COL24A1: variants seen among roughly 807,000 people sequenced by gnomAD.
COL24A1 encodes collagen alpha-1(XXIV) chain.
COL24A1 carries 224 observed loss-of-function variants against 253.9 expected under a neutral mutation model. The ratio of observed to expected loss-of-function variants is 0.88; its 90% CI spans 0.79 to 0.99. COL24A1 has a LOEUF of 0.99. Among genes scored for constraint, COL24A1 ranks in the 50% least tolerant of loss-of-function variants. The pLI is 0.00. For missense variants in COL24A1, 2,131 were observed against 2,068.5 expected (o/e 1.03, Z -0.59); for synonymous variants, 685 against 673.7 (o/e 1.02, Z -0.26).
intron 43 of COL24A1, among the ~76,000 whole-genome samples, chr1:85,836,123 T>G (rs951410770): frequency 4.6e-5 from 7 of 152,224 alleles, no homozygotes; most frequent in African/African-American, 1.7e-4. Context: ...TTCTAAGACT[T>G]CCTCATCAAA....
Position 85,784,171 on chromosome 1 carries a change from A to G in COL24A1, c.4168-5T>C, listed in dbSNP as rs377184723. ...ACCTTGAACACCATATTCTCCCTGCAAAGTGAATTGACATGATAATAATTA... is the reference window on the plus strand; with the variant it reads ...ACCTTGAACACCATATTCTCCCTGCGAAGTGAATTGACATGATAATAATTA... On this transcript the variant is annotated splice_region_variant and splice_polypyrimidine_tract_variant and intron_variant, in intron 49 of 59. Transcript: ENST00000370571. 3.1e-6 allele frequency: 5 copies of G among 1,613,494 alleles called. No individual in the cohort carries two copies. The highest frequency in any genetic ancestry group is 3.4e-6 in the Non-Finnish European group (4 of 1,179,622).
intron 19 of COL24A1, among the ~76,000 whole-genome samples, chr1:86,016,019 C>T (rs1170089456): frequency 6.6e-6 from 1 of 150,666 alleles, no homozygotes; most frequent in East Asian, 1.9e-4. Flanking sequence ...AGCCACCATG[C>T]CTGGCTAACT....
intron 24 of COL24A1, among the ~76,000 whole-genome samples, chr1:85,945,662 G>A (rs1689261037): frequency 6.8e-6 from 1 of 148,128 alleles, no homozygotes; most frequent in Non-Finnish European, 1.5e-5. Flanking sequence ...CTTGGAGTGG[G>A]GTGAGTGGCG....
intron 28 of COL24A1, among the ~76,000 whole-genome samples, chr1:85,897,338 A>C (rs1357997387): frequency 1.3e-5 from 2 of 152,110 alleles, no homozygotes; most frequent in African/African-American, 4.8e-5. Context: ...CTGTGCAGCA[A>C]ACCACCATGT....
chr1:86,079,297 T>C (rs1702466237), intron 7 of COL24A1, among the ~76,000 whole-genome samples: 1 of 152,114 alleles, frequency 6.6e-6, no homozygotes, highest in Non-Finnish European at 1.5e-5. Flanking sequence ...TGTACAAAAA[T>C]CAATTCAAAA....
intron 19 of COL24A1, among the ~76,000 whole-genome samples, chr1:85,989,068 C>T (rs78505075): frequency 0.036 from 5,441 of 152,120 alleles, 179 homozygotes; most frequent in East Asian, 0.17. Flanking sequence ...GATTCTTTTC[C>T]TGATAATTTT....
chr1:86,002,574 AG>A (rs1273787034), intron 19 of COL24A1, among the ~76,000 whole-genome samples: 2 of 152,186 alleles, frequency 1.3e-5, no homozygotes, highest in East Asian at 3.8e-4. Context: ...TTCAGTCTGA[AG>A]AGATCTGAAC....
At chr1:85,790,650 C>G (rs893127089) in intron 47 of COL24A1, among the ~76,000 whole-genome samples, 6 of 66,284 alleles carry the variant, frequency 9.1e-5, no homozygotes, top group African/African-American at 1.8e-4. Flanking sequence ...TACTGTGACA[C>G]TTTATTTTAC....
chr1:85,885,394 TATA>T (rs1386898179), intron 32 of COL24A1, among the ~76,000 whole-genome samples: 5 of 69,094 alleles, frequency 7.2e-5, no homozygotes, highest in Non-Finnish European at 1.3e-4. Context: ...TATATATATA[TATA>T]TTTTTTTTTT....
chr1:86,090,343 C>T (rs900220744), intron 6 of COL24A1, among the ~76,000 whole-genome samples: 3 of 152,004 alleles, frequency 2.0e-5, no homozygotes, highest in African/African-American at 7.3e-5. Context: ...TGTCATCTCA[C>T]CTGTCTTATG....
intron 2 of COL24A1, among the ~76,000 whole-genome samples, chr1:86,144,595 G>A (rs1298950564): frequency 6.6e-6 from 1 of 152,070 alleles, no homozygotes; most frequent in African/African-American, 2.4e-5. Flanking sequence ...CAAAAGAGAT[G>A]ATACAAAATA....
intron 7 of COL24A1, among the ~76,000 whole-genome samples, chr1:86,078,488 TC>T (rs1702413264): frequency 6.6e-6 from 1 of 152,086 alleles, no homozygotes; most frequent in African/African-American, 2.4e-5. Flanking sequence ...ATAAAGGGCA[TC>T]CAAATTGGAA....
chr1:85,767,537 T>C (rs918265564), intron 53 of COL24A1, among the ~76,000 whole-genome samples: 2 of 152,148 alleles, frequency 1.3e-5, no homozygotes, highest in African/African-American at 4.8e-5. Context: ...CCTTAAATTA[T>C]AATGGAATCA....
intron 43 of COL24A1, among the ~76,000 whole-genome samples, chr1:85,827,214 A>G (rs1674483742): frequency 6.6e-6 from 1 of 151,900 alleles, no homozygotes; most frequent in Non-Finnish European, 1.5e-5. Context: ...TTCTGTTTAT[A>G]TGGTGGATTA....
chr1:86,028,633 A>G (rs551907318), intron 14 of COL24A1, among the ~76,000 whole-genome samples: 50 of 152,348 alleles, frequency 3.3e-4, no homozygotes, highest in Non-Finnish European at 6.3e-4. Flanking sequence ...AGTCTCAGGT[A>G]TTTCTTCATA....
intron 43 of COL24A1, among the ~76,000 whole-genome samples, chr1:85,830,839 AT>A (rs1237900091): frequency 6.6e-6 from 1 of 152,112 alleles, no homozygotes; most frequent in African/African-American, 2.4e-5. Flanking sequence ...CCCTAGTGAG[AT>A]GAACCCAGTA....
intron 58 of COL24A1, among the ~76,000 whole-genome samples, chr1:85,735,447 T>C (rs761107196): frequency 6.6e-6 from 1 of 152,156 alleles, no homozygotes; most frequent in Non-Finnish European, 1.5e-5. Flanking sequence ...TCGAGATTTT[T>C]TTTGTGAGAG....
chr1:85,823,455 A>G, intron 45 of COL24A1, 81 bp downstream of exon 45: 1 of 1,307,354 alleles, frequency 7.6e-7, no homozygotes, highest in Non-Finnish European at 1.1e-6. Context: ...TTGAATTACA[A>G]TAAATAGTAA....
chr1:85,973,498 T>C (rs1571429558), intron 20 of COL24A1, among the ~76,000 whole-genome samples: 1 of 152,286 alleles, frequency 6.6e-6, no homozygotes, highest in African/African-American at 2.4e-5. Context: ...TATTGAGTTA[T>C]GATAGGCTAA....
Sources: allele counts gnomAD v4.1 joint callset (sites outside exome capture counted in the v4.1 genomes callset), GRCh38; gene constraint gnomAD v4.1.1; transcripts MANE v1.5; gene names NCBI Gene and HGNC (gene_info 2026-07-23, HGNC 2026-07-21).